The following SLIT3 variants were observed in gnomAD, a reference collection of about 807,000 sequenced individuals.
SLIT3 encodes slit guidance ligand 3, also known as slit homolog 3 protein.
In SLIT3, 68 loss-of-function variants were observed where a neutral mutation model predicts 184.0. The ratio of observed to expected loss-of-function variants is 0.37; its 90% confidence interval spans 0.30 to 0.45. The LOEUF (loss-of-function observed/expected upper bound fraction) is 0.45. SLIT3 is among the 20% of genes least tolerant of loss of function. SLIT3 has a pLI of 1.00. For synonymous variants in SLIT3, 831 were observed against 828.6 expected (o/e 1.00, Z -0.05); for missense variants, 1,707 against 2,026.0 (o/e 0.84, Z 3.02).
At chr5:169,169,388 A>G (rs1762748530) in intron 4 of SLIT3, among the ~76,000 whole-genome samples, 1 of 152,244 alleles carries the variant, frequency 6.6e-6, no homozygotes, top group African/African-American at 2.4e-5. Flanking sequence ...ATATATCATT[A>G]CATGGCTTGT....
intron 3 of SLIT3, among the ~76,000 whole-genome samples, chr5:169,238,314 T>C (rs1426809322): frequency 2.0e-5 from 3 of 152,102 alleles, no homozygotes; most frequent in Non-Finnish European, 4.4e-5. Flanking sequence ...ACTCTTATAA[T>C]TTATATGTTC....
chr5:168,955,587 G>C (rs148545121), intron 4 of SLIT3, among the ~76,000 whole-genome samples: 1 of 152,326 alleles, frequency 6.6e-6, no homozygotes, highest in Non-Finnish European at 1.5e-5. Context: ...ACACACTCCA[G>C]TACCCACCCG....
At chr5:168,820,336 T>C (rs1019518817) in intron 7 of SLIT3, among the ~76,000 whole-genome samples, 1 of 152,162 alleles carries the variant, frequency 6.6e-6, no homozygotes, top group Non-Finnish European at 1.5e-5. Context: ...CAGGCTGTGA[T>C]GGCAAACTGC....
intron 5 of SLIT3, among the ~76,000 whole-genome samples, chr5:168,853,701 T>C (rs1266217980): frequency 6.6e-6 from 1 of 152,244 alleles, no homozygotes; most frequent in Non-Finnish European, 1.5e-5. Context: ...TTGAACCCAG[T>C]TCTGTCCATG....
chr5:169,026,750 T>G (rs1371105844), intron 4 of SLIT3: 1 of 152,004 alleles, frequency 6.6e-6, no homozygotes, highest in African/African-American at 2.4e-5. Flanking sequence ...TTTTAGCGCC[T>G]AAAACAATAT....
At chr5:168,722,837 G>A in intron 22 of SLIT3, 96 bp downstream of exon 22, 1 of 926,158 alleles carries the variant, frequency 1.1e-6, no homozygotes, top group Non-Finnish European at 1.8e-6. Flanking sequence ...AGGGTCATTA[G>A]GGCAGAGAAA....
intron 4 of SLIT3, among the ~76,000 whole-genome samples, chr5:168,950,580 A>G (rs1762618607): frequency 6.6e-6 from 1 of 152,376 alleles, no homozygotes; most frequent in African/African-American, 2.4e-5. Flanking sequence ...CTGTTTCGAT[A>G]AAACTTTATT....
chr5:168,863,833 GC>G, intron 5 of SLIT3, among the ~76,000 whole-genome samples: 1 of 152,134 alleles, frequency 6.6e-6, no homozygotes, highest in East Asian at 1.9e-4. Flanking sequence ...ACACCCTTCT[GC>G]CCCGTTCCCC....
At chr5:169,157,658 A>G (rs1048787350) in intron 4 of SLIT3, among the ~76,000 whole-genome samples, 19 of 152,226 alleles carry the variant, frequency 1.2e-4, no homozygotes, top group African/African-American at 4.6e-4. Flanking sequence ...TTTCAATAGA[A>G]AACCACTCAT....
chr5:168,795,798 A>T (rs2174427), intron 9 of SLIT3, among the ~76,000 whole-genome samples: 7 of 151,790 alleles, frequency 4.6e-5, no homozygotes, highest in Non-Finnish European at 7.4e-5. Flanking sequence ...TTGGAGAAAG[A>T]GGGAAAGGAT....
chr5:169,166,003 A>G (rs909863154), intron 4 of SLIT3, among the ~76,000 whole-genome samples: 4 of 152,206 alleles, frequency 2.6e-5, no homozygotes, highest in Admixed American at 1.3e-4. Flanking sequence ...TATTCATATC[A>G]TCATGCCTAT....
At chr5:168,683,276 G>A (rs1472266474) in intron 32 of SLIT3, among the ~76,000 whole-genome samples, 3 of 151,864 alleles carry the variant, frequency 2.0e-5, no homozygotes, top group East Asian at 1.9e-4. Context: ...AGGCTGAGGC[G>A]GGAGAATTGC....
chr5:168,672,861 A>G lies in SLIT3; in HGVS notation c.3841+316T>C, dbSNP rs575232578. 9.8e-5 allele frequency among the ~76,000 whole-genome samples: 15 copies of G among 152,304 alleles called. No homozygotes were observed. In the South Asian group the frequency reaches 3.1e-3, roughly 32 times the overall value. ...CGAGGGTTTGAGGAGGTGGCAGAGC[A>G]GAGGGAATATGACCTGAAGCTGGCA... is the stretch of plus-strand genomic sequence containing the variant. On this transcript the variant is annotated intron_variant, in intron 33 of 35. Coordinates refer to ENST00000519560, the MANE Select transcript of SLIT3 (RefSeq NM_003062.4).
rs1050443135 is a variant in SLIT3, at chr5:169,244,665, T to G, written c.341+40A>C. 3 of 1,564,620 alleles carry G rather than the reference T, an allele frequency of 1.9e-6. No individual in the cohort carries two copies. The African/African-American group carries it at 4.1e-5, about 21-fold the overall frequency. On this transcript the variant is annotated intron_variant, in intron 3 of 35. Transcript: ENST00000519560. ...AAAACAAAACAAAAAACACTAAATG[T>G]AAATAAATACTTTAAGAAAGGAGGC...
intron 4 of SLIT3, among the ~76,000 whole-genome samples, chr5:169,032,598 C>T (rs3903092): frequency 0.036 from 4,059 of 111,436 alleles, 180 homozygotes; most frequent in African/African-American, 0.14. Flanking sequence ...GTTTTAGTTT[C>T]GTTTTTTTTT....
chr5:168,867,220 C>T (rs1396610637), intron 5 of SLIT3, among the ~76,000 whole-genome samples: 3 of 152,140 alleles, frequency 2.0e-5, no homozygotes, highest in Middle Eastern at 3.2e-3. Flanking sequence ...TGAAACCATG[C>T]AATTATTACT....
chr5:168,751,589 C>T (rs1010755964), intron 18 of SLIT3, among the ~76,000 whole-genome samples: 3 of 152,174 alleles, frequency 2.0e-5, no homozygotes, highest in African/African-American at 7.2e-5. Context: ...GGAAATTTGG[C>T]TCTAGAGTCT....
At chr5:169,271,291 C>A (rs1305695635) in intron 1 of SLIT3, among the ~76,000 whole-genome samples, 1 of 152,180 alleles carries the variant, frequency 6.6e-6, no homozygotes, top group Non-Finnish European at 1.5e-5. Context: ...TCCAGTGCAA[C>A]CCACAATCCC....
At chr5:169,257,698 G>A (rs556517370) in intron 1 of SLIT3, among the ~76,000 whole-genome samples, 1 of 151,774 alleles carries the variant, frequency 6.6e-6, no homozygotes, top group East Asian at 2.0e-4. Flanking sequence ...GATTACAGGT[G>A]CCTGCCACCA....
Sources: gnomAD v4.1 joint callset for allele counts (sites outside exome capture counted in the v4.1 genomes callset) on GRCh38, gnomAD v4.1.1 for gene constraint, MANE v1.5 for transcripts, NCBI Gene and HGNC (gene_info 2026-07-23, HGNC 2026-07-21) for gene names.